The following CRB1 variants were observed in gnomAD, a reference collection of about 807,000 sequenced individuals.
CRB1 encodes the protein crumbs cell polarity complex component 1.
In CRB1, 83 loss-of-function variants were observed where a neutral mutation model predicts 120.0. The ratio of observed to expected loss-of-function variants is 0.69; its 90% CI spans 0.58 to 0.83. CRB1 has a LOEUF of 0.83. Among genes scored for constraint, CRB1 ranks in the 40% least tolerant of loss-of-function variants. The pLI is 0.00. For synonymous variants in CRB1, 625 were observed against 612.5 expected (o/e 1.02, Z -0.30); for missense variants, 1,699 against 1,687.6 (o/e 1.01, Z -0.12).
At chr1:197,349,817 T>G (rs922674912) in intron 4 of CRB1, among the ~76,000 whole-genome samples, 1 of 152,152 alleles carries the variant, frequency 6.6e-6, no homozygotes, top group Non-Finnish European at 1.5e-5. Flanking sequence ...AACTGAAAAT[T>G]TGGCTGGGCG....
intron 11 of CRB1, among the ~76,000 whole-genome samples, chr1:197,454,342 A>G (rs970965431): frequency 4.6e-5 from 7 of 152,170 alleles, no homozygotes; most frequent in Non-Finnish European, 1.0e-4. Context: ...GAAATTGTTC[A>G]TAAATGTTAT....
chr1:197,237,393 G>A, the CRB1 span, among the ~76,000 whole-genome samples: 22 of 152,264 alleles, frequency 1.4e-4, no homozygotes, highest in African/African-American at 5.3e-4. Flanking sequence ...GCATCTTCTT[G>A]CAGCATCCTC....
chr1:197,335,930 C>T (rs1397645471), intron 2 of CRB1, among the ~76,000 whole-genome samples: 1 of 152,110 alleles, frequency 6.6e-6, no homozygotes, highest in African/African-American at 2.4e-5. Flanking sequence ...CCCTCTATTG[C>T]CCTCTGATGG....
At chr1:197,383,838 C>T (rs953079258) in intron 5 of CRB1, among the ~76,000 whole-genome samples, 68 of 152,146 alleles carry the variant, frequency 4.5e-4, no homozygotes, top group African/African-American at 1.3e-3. Flanking sequence ...GGAACTATAC[C>T]ATTTAGTGTA....
chr1:197,376,642 C>T (rs1209100770), intron 5 of CRB1, among the ~76,000 whole-genome samples: 1 of 152,166 alleles, frequency 6.6e-6, no homozygotes, highest in Non-Finnish European at 1.5e-5. Context: ...ACCATTTCTA[C>T]TCTAGACCAA....
chr1:197,233,559 G>C, the CRB1 span, among the ~76,000 whole-genome samples: 1 of 152,184 alleles, frequency 6.6e-6, no homozygotes, highest in Non-Finnish European at 1.5e-5. Context: ...GCTCCCATCT[G>C]TGAGGGGTCT....
At position 197,328,718 on chromosome 1, in the gene CRB1, G is replaced by T; in HGVS notation, c.367G>T (p.Gly123Cys). The T allele has an allele frequency of 3.1e-6, 5 of 1,612,566 alleles. No homozygotes were observed. Among genetic ancestry groups the T allele is most frequent in the Non-Finnish European group, 4.2e-6 (5 of 1,178,806 alleles). Reference protein sequence around the residue: ...SCGKNSCQHGGICHQDPIYPV... With the variant: ...SCGKNSCQHGCICHQDPIYPV... The stretch of plus-strand genomic sequence containing the variant: ...TGGCAAGAACTCCTGCCAACATGGA[G>T]GTATTTGCCATCAGGACCCTATTTA... The change falls in exon 2 of 12, where the codon GGT (glycine) becomes TGT (cysteine). Residue 123 changes from glycine to cysteine, a missense_variant. Transcript: ENST00000367400.
the CRB1 span, among the ~76,000 whole-genome samples, chr1:197,262,871 A>T: frequency 6.6e-6 from 1 of 152,196 alleles, no homozygotes; most frequent in Non-Finnish European, 1.5e-5. Flanking sequence ...TGTTGTGTTT[A>T]TGGCTACAAA....
intron 5 of CRB1, among the ~76,000 whole-genome samples, chr1:197,373,738 A>C (rs1052717259): frequency 6.6e-6 from 1 of 152,168 alleles, no homozygotes; most frequent in African/African-American, 2.4e-5. Context: ...TCCATATCTC[A>C]ATGATGCCAG....
the CRB1 span, among the ~76,000 whole-genome samples, chr1:197,260,796 AAG>A: frequency 6.6e-6 from 1 of 151,872 alleles, no homozygotes; most frequent in Non-Finnish European, 1.5e-5. Flanking sequence ...TCCCAGGTTC[AAG>A]AGATGCTTCT....
intron 11 of CRB1, among the ~76,000 whole-genome samples, chr1:197,463,093 CA>C (rs1666602202): frequency 6.6e-6 from 1 of 152,142 alleles, no homozygotes; most frequent in Non-Finnish European, 1.5e-5. Context: ...ATAAGAGCCA[CA>C]ACCCTGGGAG....
At chr1:197,243,144 T>A in the CRB1 span, among the ~76,000 whole-genome samples, 2 of 152,082 alleles carry the variant, frequency 1.3e-5, no homozygotes, top group African/African-American at 4.8e-5. Flanking sequence ...ATTCATTGAT[T>A]TTTTTGAAGG....
chr1:197,249,443 G>C, the CRB1 span, among the ~76,000 whole-genome samples: 1 of 151,930 alleles, frequency 6.6e-6, no homozygotes, highest in Non-Finnish European at 1.5e-5. Context: ...GAGTGAAGGA[G>C]AACAGGAAAT....
At position 197,328,779 on chromosome 1, in the gene CRB1, G is replaced by T; in HGVS notation, c.428G>T (p.Arg143Ile). The change falls in exon 2 of 12, where the codon AGA becomes ATA. Residue 143 changes from arginine to isoleucine, a missense_variant. Physicochemically the swap from Arg to Ile is moderately conservative, Grantham distance 97. Coordinates refer to ENST00000367400, the MANE Select transcript of CRB1 (RefSeq NM_201253.3). ...ATCTGCCCTGCTGGATATGCTGGAA[G>T]ATTCTGTGAGATAGATCACGATGAG... ...VCICPAGYAG[R>I]FCEIDHDECA... 1 of 1,612,822 alleles carries T rather than the reference G, an allele frequency of 6.2e-7. No homozygotes were observed. The highest frequency in any genetic ancestry group is 1.1e-5 in the South Asian group (1 of 91,014).
rs1207427686 is a variant in CRB1 at position 197,347,490 on chromosome 1, A to G, written c.988+11A>G. On this transcript the variant is annotated intron_variant, in intron 4 of 11. Transcript: ENST00000367400. Reference sequence around the variant, plus strand: ...GTCACTGCTGGCCTGGTGAGTGACAAAATACCTTCCACCAATTATTTTTCA... The same window carrying G: ...GTCACTGCTGGCCTGGTGAGTGACAGAATACCTTCCACCAATTATTTTTCA... The G allele has an allele frequency of 6.2e-7, 1 of 1,613,734 alleles. No individual in the cohort carries two copies. Among genetic ancestry groups the G allele is most frequent in the South Asian group, 1.1e-5 (1 of 91,064 alleles).
At chr1:197,218,158 T>C in the CRB1 span, among the ~76,000 whole-genome samples, 60 of 152,334 alleles carry the variant, frequency 3.9e-4, no homozygotes, top group Non-Finnish European at 6.3e-4. Context: ...TTCTAGACTT[T>C]AGAGTCAAAG....
chr1:197,477,569 T>A (rs1338370229), intron 11 of CRB1, 95 bp from the exon 12 acceptor site: 8 of 1,107,978 alleles, frequency 7.2e-6, no homozygotes, highest in Non-Finnish European at 1.1e-5. Flanking sequence ...ACCAGCTTGC[T>A]CTGGTTGGTC....
chr1:197,378,627 A>G (rs762249688), intron 5 of CRB1, among the ~76,000 whole-genome samples: 17 of 152,320 alleles, frequency 1.1e-4, no homozygotes, highest in Middle Eastern at 3.4e-3. Context: ...TCTGACCCCA[A>G]TAAGGAAGAG....
intron 5 of CRB1, among the ~76,000 whole-genome samples, chr1:197,396,286 T>A (rs1311338337): frequency 6.6e-6 from 1 of 152,118 alleles, no homozygotes; most frequent in Non-Finnish European, 1.5e-5. Flanking sequence ...AAGATTAGAA[T>A]GCCAAAAACT....
Sources: gnomAD v4.1 joint callset for allele counts (sites outside exome capture counted in the v4.1 genomes callset) on GRCh38, gnomAD v4.1.1 for gene constraint, MANE v1.5 for transcripts, NCBI Gene and HGNC (gene_info 2026-07-23, HGNC 2026-07-21) for gene names.